The following RBBP8 variants were observed in gnomAD, a reference collection of about 807,000 sequenced individuals.
The protein encoded by RBBP8 is RB binding protein 8, endonuclease.
RBBP8 carries 88 observed loss-of-function variants against 108.3 expected under a neutral mutation model. The observed-to-expected ratio is 0.81, with a 90% CI of 0.68 to 0.97. The LOEUF (loss-of-function observed/expected upper bound fraction) is 0.97, where lower values mean the gene tolerates loss of function less well. Ranked by LOEUF, RBBP8 falls within the 50% of genes least tolerant of loss-of-function variation. The pLI is 0.00. For missense variants in RBBP8, 1,023 were observed against 1,049.0 expected (o/e 0.98, Z 0.34); for synonymous variants, 332 against 348.2 (o/e 0.95, Z 0.52).
At chr18:23,010,912 G>A (rs187877957) in intron 16 of RBBP8, among the ~76,000 whole-genome samples, 83 of 152,300 alleles carry the variant, frequency 5.4e-4, no homozygotes, top group African/African-American at 1.9e-3. Context: ...CCTACGTCAC[G>A]ATAAGACACT....
chr18:23,014,168 T>C (rs946962522), intron 16 of RBBP8, among the ~76,000 whole-genome samples: 6 of 151,932 alleles, frequency 3.9e-5, no homozygotes, highest in African/African-American at 1.5e-4. Context: ...CTGGCTAATT[T>C]TTTTTTTTTG....
intron 5 of RBBP8, 118 bp from the exon 6 acceptor site, chr18:22,975,035 A>G (rs1914401231): frequency 1.6e-6 from 2 of 1,258,420 alleles, no homozygotes; most frequent in African/African-American, 1.5e-5. Context: ...AATAAACATT[A>G]TGATTTAGGA....
chr18:22,972,066 A>G (rs1162655869), intron 5 of RBBP8, among the ~76,000 whole-genome samples: 1 of 151,410 alleles, frequency 6.6e-6, no homozygotes, highest in Non-Finnish European at 1.5e-5. Context: ...TTACGATCCA[A>G]AGAATTAGGG....
At chr18:23,008,692 T>G (rs1394783799) in intron 16 of RBBP8, among the ~76,000 whole-genome samples, 2 of 151,990 alleles carry the variant, frequency 1.3e-5, no homozygotes, top group East Asian at 3.9e-4. Flanking sequence ...GTCTGGCTGC[T>G]AGGGTTGCAC....
chr18:22,949,756 C>T (rs1490726299), intron 4 of RBBP8, 43 bp downstream of exon 4: 1 of 1,391,406 alleles, frequency 7.2e-7, no homozygotes, highest in East Asian at 2.3e-5. Context: ...TGATTTCCTC[C>T]ATAATAAGAA....
At chr18:22,936,188 G>A (rs1054050636) in intron 1 of RBBP8, among the ~76,000 whole-genome samples, 4 of 151,878 alleles carry the variant, frequency 2.6e-5, no homozygotes, top group Admixed American at 1.3e-4. Flanking sequence ...TGCAAATTCC[G>A]CCTCCCAGTT....
chr18:22,978,744 G>A (rs1914672485), intron 6 of RBBP8, among the ~76,000 whole-genome samples: 1 of 152,082 alleles, frequency 6.6e-6, no homozygotes. Context: ...AAAATTACAG[G>A]AAGAGATTAA....
At chr18:22,982,142 C>G in intron 6 of RBBP8, 76 bp from the exon 7 acceptor site, 1 of 1,477,858 alleles carries the variant, frequency 6.8e-7, no homozygotes, top group Non-Finnish European at 9.3e-7. Context: ...TTGTGTTCTA[C>G]TGTAACTCCA....
chr18:22,921,373 T>C (rs1909586634), intron 3 of RBBP8, among the ~76,000 whole-genome samples: 1 of 152,196 alleles, frequency 6.6e-6, no homozygotes, highest in African/African-American at 2.4e-5. Flanking sequence ...TTCCATCAGT[T>C]AAGAGTTGCC....
rs1555648960 is a variant in RBBP8 at position 23,016,853 on chromosome 18, C to T, written c.2383C>T (p.His795Tyr). 4 of 1,613,712 alleles carry T rather than the reference C, an allele frequency of 2.5e-6. No homozygotes were observed. Among genetic ancestry groups the T allele is most frequent in the Non-Finnish European group, 1.7e-6 (2 of 1,179,834 alleles). The stretch of plus-strand genomic sequence containing the variant: ...AGAGACTAGCTTGCAAAATTTTCCT[C>T]ATATTGAGGTGGTTCGGAAAAAAGA... ...ERETSLQNFP[H>Y]IEVVRKKEER... Residue 795 changes from histidine (H) to tyrosine (Y), a missense_variant, in exon 17 of 19, where the codon CAT (histidine) becomes TAT (tyrosine). Transcript: ENST00000327155.
At chr18:22,923,641 T>G (rs1244132713) in intron 3 of RBBP8, among the ~76,000 whole-genome samples, 1 of 152,188 alleles carries the variant, frequency 6.6e-6, no homozygotes, top group Non-Finnish European at 1.5e-5. Context: ...TCATCCTATC[T>G]CCCAGCTCAC....
intron 14 of RBBP8, among the ~76,000 whole-genome samples, chr18:22,999,962 A>G (rs2045919559): frequency 6.6e-6 from 1 of 152,218 alleles, no homozygotes; most frequent in African/African-American, 2.4e-5. Context: ...GTTGTATTTT[A>G]TTTACATATT....
chr18:22,986,331 A>C (rs1158761907), intron 8 of RBBP8, among the ~76,000 whole-genome samples: 1 of 152,216 alleles, frequency 6.6e-6, no homozygotes, highest in East Asian at 1.9e-4. Context: ...CTTAGAATTG[A>C]CCATGAGATT....
intron 6 of RBBP8, among the ~76,000 whole-genome samples, chr18:22,979,454 T>C (rs1914743647): frequency 6.6e-6 from 1 of 152,186 alleles, no homozygotes. Context: ...TGTAAATCTT[T>C]TTTGGGAAAA....
chr18:22,989,332 T>C lies in RBBP8; in HGVS notation c.807+14T>C, dbSNP rs1915529641. 1.3e-6 allele frequency: 2 copies of C among 1,538,530 alleles called. No individual in the cohort carries two copies. Among genetic ancestry groups the C allele is most frequent in the African/African-American group, 1.4e-5 (1 of 73,208 alleles). On this transcript the variant is annotated intron_variant, in intron 9 of 18. Coordinates refer to ENST00000327155, the MANE Select transcript of RBBP8 (RefSeq NM_002894.3). ...CAAGAAGAATCTGTAAGTAATTGTT[T>C]AGTTTGGCAATAACATGAATTAATT...
At chr18:22,971,438 T>C (rs970174940) in intron 5 of RBBP8, among the ~76,000 whole-genome samples, 1 of 152,154 alleles carries the variant, frequency 6.6e-6, no homozygotes, top group Admixed American at 6.5e-5. Context: ...AGAATAGCAG[T>C]TGATACATAA....
intron 2 of RBBP8, among the ~76,000 whole-genome samples, chr18:22,916,518 A>C (rs1425390463): frequency 4.6e-5 from 7 of 152,136 alleles, no homozygotes; most frequent in Admixed American, 4.6e-4. Context: ...TCTTCTGAAT[A>C]CTACATGAAA....
chr18:22,986,585 T>C (rs753379478), intron 8 of RBBP8, among the ~76,000 whole-genome samples: 5 of 152,018 alleles, frequency 3.3e-5, no homozygotes, highest in Non-Finnish European at 7.3e-5. Context: ...TATTATAGCA[T>C]GATCGGCATT....
chr18:22,945,890 T>C (rs745762298), intron 2 of RBBP8, among the ~76,000 whole-genome samples: 3 of 152,230 alleles, frequency 2.0e-5, no homozygotes, highest in African/African-American at 4.8e-5. Context: ...TCAATGCCTG[T>C]CAGTCTGCTT....
Sources: gnomAD v4.1 joint callset for allele counts (sites outside exome capture counted in the v4.1 genomes callset) on GRCh38, gnomAD v4.1.1 for gene constraint, MANE v1.5 for transcripts, NCBI Gene and HGNC (gene_info 2026-07-23, HGNC 2026-07-21) for gene names.